The following TWIST2 variants were observed in gnomAD, a reference collection of about 807,000 sequenced individuals.
The protein encoded by TWIST2 is twist family bHLH transcription factor 2, also known as twist-related protein 2.
TWIST2 carries 1 observed loss-of-function variant against 11.6 expected under a neutral mutation model. The observed-to-expected ratio is 0.09, with a 90% CI of 0.03 to 0.41. TWIST2 has a LOEUF of 0.41. TWIST2 is among the 10% of genes least tolerant of loss of function. The probability of loss-of-function intolerance (pLI) is 0.98; values close to 1 mark genes in which losing one functional copy is unlikely to be tolerated. For synonymous variants in TWIST2, 87 were observed against 96.6 expected, an observed-to-expected ratio of 0.90 and a Z score of 0.58; for missense variants, 168 against 226.4, an observed-to-expected ratio of 0.74 and a Z score of 1.66.
chr2:238,862,328 A>G (rs1692450085), intron 1 of TWIST2, among the ~76,000 whole-genome samples: 1 of 152,212 alleles, frequency 6.6e-6, no homozygotes, highest in Non-Finnish European at 1.5e-5. Context: ...AATATTTACA[A>G]TCTGTTTTGC....
Position 238,848,404 on chromosome 2 carries a change from G to A in TWIST2, c.189G>A (p.Glu63=), listed in dbSNP as rs1385513000. Residue 63 remains glutamate, a synonymous_variant, in exon 1 of 2, where the codon GAG becomes GAA. Transcript: ENST00000612363. ...GCCCCAGCGCGCAGTCCTTCGAGGA[G>A]CTGCAGAGCCAGCGCATCCTGGCCA... ...KGSPSAQSFE[E]LQSQRILANV... is the part of the protein sequence containing the mutation. The A allele has an allele frequency of 6.5e-7, 1 of 1,537,186 alleles. No individual in the cohort carries two copies. Among genetic ancestry groups the A allele is most frequent in the Non-Finnish European group, 8.7e-7 (1 of 1,146,802 alleles).
intron 1 of TWIST2, among the ~76,000 whole-genome samples, chr2:238,905,102 A>G (rs1219376295): frequency 2.6e-5 from 4 of 151,966 alleles, no homozygotes; most frequent in African/African-American, 9.7e-5. Context: ...TCTTAGAGTA[A>G]AACGCCTTTC....
At chr2:238,891,969 C>T (rs1693142014) in intron 1 of TWIST2, among the ~76,000 whole-genome samples, 1 of 152,176 alleles carries the variant, frequency 6.6e-6, no homozygotes, top group Middle Eastern at 3.2e-3. Context: ...GAAATTTAGC[C>T]CTGGAGTTCG....
At chr2:238,874,674 G>A (rs1393731745) in intron 1 of TWIST2, among the ~76,000 whole-genome samples, 1 of 152,194 alleles carries the variant, frequency 6.6e-6, no homozygotes, top group Non-Finnish European at 1.5e-5. Context: ...CTCTAAAGAT[G>A]CAAATCTTGG....
At position 238,864,178 on chromosome 2, in the gene TWIST2, T is replaced by A. The variant is rs1294694147; in HGVS notation, c.*35+15445T>A. Reference sequence around the variant, plus strand: ...AAATATTTGTAAGTTTCCATCAGCATGGGGGGAAGGGGCTGGAGGTGAGGG... The same window carrying A: ...AAATATTTGTAAGTTTCCATCAGCAAGGGGGGAAGGGGCTGGAGGTGAGGG... On this transcript the variant is annotated intron_variant, in intron 1 of 1. Transcript: ENST00000612363. This position sits in a 1 kb window ranked among gnomAD's most constrained non-coding sequence, Gnocchi z 4.7. Among the ~76,000 whole-genome samples the A allele has an allele frequency of 1.3e-5, 2 of 149,620 alleles. No individual in the cohort carries two copies. Among genetic ancestry groups the A allele is most frequent in the African/African-American group, 4.9e-5 (2 of 40,580 alleles).
At chr2:238,885,375 G>C (rs1216178411) in intron 1 of TWIST2, among the ~76,000 whole-genome samples, 1 of 152,202 alleles carries the variant, frequency 6.6e-6, no homozygotes, top group Non-Finnish European at 1.5e-5. Flanking sequence ...TGAAAAAACT[G>C]GCCTTTTGTG....
intron 1 of TWIST2, among the ~76,000 whole-genome samples, chr2:238,893,323 A>T (rs1235910720): frequency 6.6e-6 from 1 of 152,024 alleles, no homozygotes; most frequent in South Asian, 2.1e-4. Context: ...ATTTTTTTCA[A>T]GATTAATTTG....
At chr2:238,858,629 G>A (rs890242238) in intron 1 of TWIST2, among the ~76,000 whole-genome samples, 1 of 152,144 alleles carries the variant, frequency 6.6e-6, no homozygotes, top group Non-Finnish European at 1.5e-5. Flanking sequence ...GTGGTCCGAG[G>A]CAAGTCATGG....
At chr2:238,897,630 C>T (rs1693221459) in intron 1 of TWIST2, among the ~76,000 whole-genome samples, 1 of 152,216 alleles carries the variant, frequency 6.6e-6, no homozygotes, top group African/African-American at 2.4e-5. Flanking sequence ...CAGATGTGGC[C>T]TGGAAGGAGG....
intron 1 of TWIST2, among the ~76,000 whole-genome samples, chr2:238,877,505 T>C (rs138605912): frequency 0.069 from 10,478 of 152,260 alleles, 903 homozygotes; most frequent in East Asian, 0.42. Flanking sequence ...AAGATAATTT[T>C]TCACAAGCAT....
rs1314972159 is a variant in TWIST2, at chr2:238,866,520, G to A, written c.*35+17787G>A. Reference sequence around the variant, plus strand: ...AAAAATAGAAAAATTAGCTGGGCATGGTGGTGTGTGCCTGTAATCCCAGCT... The same window carrying A: ...AAAAATAGAAAAATTAGCTGGGCATAGTGGTGTGTGCCTGTAATCCCAGCT... On this transcript the variant is annotated intron_variant, in intron 1 of 1. Coordinates refer to ENST00000612363, the MANE Select transcript of TWIST2 (RefSeq NM_001271893.4). This position sits in a 1 kb window ranked among gnomAD's most constrained non-coding sequence, Gnocchi z 4.9. 6.6e-6 allele frequency among the ~76,000 whole-genome samples: 1 copy of A among 152,210 alleles called. No individual in the cohort carries two copies. Among genetic ancestry groups the A allele is most frequent in the Non-Finnish European group, 1.5e-5 (1 of 68,042 alleles).
At chr2:238,851,505 A>G (rs1692240567) in intron 1 of TWIST2, among the ~76,000 whole-genome samples, 1 of 152,190 alleles carries the variant, frequency 6.6e-6, no homozygotes, top group Non-Finnish European at 1.5e-5. Flanking sequence ...TGTGTGGTTA[A>G]AGAAAACATC....
chr2:238,909,157 G>GTA (rs1693410356), intron 1 of TWIST2, among the ~76,000 whole-genome samples: 3 of 26,430 alleles, frequency 1.1e-4, no homozygotes, highest in East Asian at 1.1e-3. Flanking sequence ...TGTATGTGGT[G>GTA]TGTAGTGTGG....
intron 1 of TWIST2, among the ~76,000 whole-genome samples, chr2:238,901,032 T>C (rs1313888176): frequency 1.4e-5 from 2 of 146,072 alleles, no homozygotes; most frequent in African/African-American, 2.6e-5. Context: ...CAGGCTGGAG[T>C]ACAGTGGCAA....
Position 238,910,223 on chromosome 2 carries a change from A to C in TWIST2, c.*417A>C, listed in dbSNP as rs940658871. 1.3e-5 allele frequency: 2 copies of C among 152,144 alleles called. No homozygotes were observed. The highest frequency in any genetic ancestry group is 6.5e-5 in the Admixed American group (1 of 15,270). 9.4% of individuals were successfully genotyped at this position (152,144 alleles called of 1,614,324 possible). On this transcript the variant is annotated 3_prime_UTR_variant, in exon 2 of 2. Transcript: ENST00000612363. ...CTTTTTTAATGTCTATTTTTTTAAT[A>C]AAACAGAAATGCATTCTTGTACAAT...
At chr2:238,870,535 T>TACACACACC (rs1559274146) in intron 1 of TWIST2, among the ~76,000 whole-genome samples, 15 of 13,618 alleles carry the variant, frequency 1.1e-3, no homozygotes, top group Admixed American at 1.8e-3. Flanking sequence ...CCACACACCC[T>TACACACACC]ACATACCCCA....
At chr2:238,865,181 G>A (rs1027232683) in intron 1 of TWIST2, among the ~76,000 whole-genome samples, 4 of 152,154 alleles carry the variant, frequency 2.6e-5, no homozygotes, top group African/African-American at 4.8e-5. Context: ...AGGGACCTAC[G>A]TAACTCCTCA....
chr2:238,866,581 C>T lies in TWIST2; in HGVS notation c.*35+17848C>T, dbSNP rs529620485. On this transcript the variant is annotated intron_variant, in intron 1 of 1. Coordinates refer to ENST00000612363, the MANE Select transcript of TWIST2 (RefSeq NM_001271893.4). The surrounding 1 kb of genome is among the most constrained non-coding windows in gnomAD (Gnocchi z 4.9). ...CTGTGGCAGGAGAATTGCTTGAACC[C>T]GGGAGGCGGAGGTTGCAGTGAGCTG... is the stretch of plus-strand genomic sequence containing the variant. Among the ~76,000 whole-genome samples, 177 of 152,226 alleles carry T rather than the reference C, an allele frequency of 1.2e-3. 1 individual carries two copies. Among genetic ancestry groups the T allele is most frequent in the African/African-American group, 3.6e-3 (151 of 41,532 alleles).
At chr2:238,878,623 A>G (rs1359453923) in intron 1 of TWIST2, among the ~76,000 whole-genome samples, 3 of 152,218 alleles carry the variant, frequency 2.0e-5, no homozygotes, top group East Asian at 3.8e-4. Context: ...CTTTTTCTGC[A>G]GTGAAGTTGT....
Sources: allele counts gnomAD v4.1 joint callset (sites outside exome capture counted in the v4.1 genomes callset), GRCh38; gene constraint gnomAD v4.1.1; non-coding constraint Gnocchi (gnomAD v3.1); transcripts MANE v1.5; gene names NCBI Gene and HGNC (gene_info 2026-07-23, HGNC 2026-07-21).